Variants in SEL1L3 observed in about 807,000 individuals in gnomAD.
SEL1L3 encodes SEL1L family member 3, also known as protein sel-1 homolog 3.
A neutral mutation model predicts 142.8 loss-of-function variants in SEL1L3; 76 were observed. The ratio of observed to expected loss-of-function variants is 0.53; its 90% confidence interval spans 0.44 to 0.64. The LOEUF is 0.64. SEL1L3 is among the 30% of genes least tolerant of loss of function. The probability of loss-of-function intolerance (pLI) is 0.00; values close to 1 mark genes in which losing one functional copy is unlikely to be tolerated. For synonymous variants in SEL1L3, 504 were observed against 519.6 expected, an observed-to-expected ratio of 0.97 and a Z score of 0.41; for missense variants, 1,262 against 1,381.7, an observed-to-expected ratio of 0.91 and a Z score of 1.37.
chr4:25,805,432 G>A (rs986739430), intron 9 of SEL1L3, among the ~76,000 whole-genome samples: 1 of 152,232 alleles, frequency 6.6e-6, no homozygotes, highest in African/African-American at 2.4e-5. Context: ...GCAAGAGGCA[G>A]AGCCAAGCAG....
intron 20 of SEL1L3, among the ~76,000 whole-genome samples, chr4:25,762,252 T>C (rs1202252538): frequency 1.3e-5 from 2 of 152,186 alleles, no homozygotes; most frequent in African/African-American, 4.8e-5. Context: ...CCCGGCCTCA[T>C]AAAACCATTT....
the SEL1L3 span, chr4:25,719,780 T>C: frequency 6.6e-6 from 1 of 152,156 alleles, no homozygotes; most frequent in East Asian, 1.9e-4. Context: ...ATCTAGGCCA[T>C]ACGTACTGGA....
At chr4:25,778,966 A>G in intron 16 of SEL1L3, 110 bp downstream of exon 16, 2 of 803,252 alleles carry the variant, frequency 2.5e-6, no homozygotes, top group Non-Finnish European at 3.8e-6. Flanking sequence ...TTTTAAAACT[A>G]CATGCATGTA....
chr4:25,814,782 A>AT (rs1221336968), intron 9 of SEL1L3, among the ~76,000 whole-genome samples: 3 of 146,104 alleles, frequency 2.1e-5, no homozygotes, highest in African/African-American at 8.3e-5. Context: ...TTTACCCTCA[A>AT]TTTACAAAAT....
the SEL1L3 span, chr4:25,719,039 G>C: frequency 9.2e-5 from 14 of 152,358 alleles, no homozygotes; most frequent in African/African-American, 3.4e-4. Flanking sequence ...AGCCTAGCGT[G>C]GTGGCACATG....
chr4:25,830,809 C>A (rs1293543135), intron 5 of SEL1L3, among the ~76,000 whole-genome samples: 2 of 152,190 alleles, frequency 1.3e-5, no homozygotes. Context: ...CTATGAAAGA[C>A]AAACTAACCC....
chr4:25,831,522 T>A (rs201414579), intron 5 of SEL1L3, among the ~76,000 whole-genome samples: 12,807 of 138,570 alleles, frequency 0.092, 609 homozygotes, highest in South Asian at 0.15. Flanking sequence ...TTATTATTAT[T>A]ATTATTATTA....
the SEL1L3 span, chr4:25,719,783 G>T: frequency 6.6e-6 from 1 of 152,148 alleles, no homozygotes; most frequent in African/African-American, 2.4e-5. Context: ...TAGGCCATAC[G>T]TACTGGAGAT....
chr4:25,757,565 G>A lies in SEL1L3; in HGVS notation c.3228C>T (p.Ala1076=), dbSNP rs1285214569. The A allele has an allele frequency of 1.9e-6, 3 of 1,551,714 alleles. No individual in the cohort carries two copies. The highest frequency in any genetic ancestry group is 2.4e-5 in the East Asian group (1 of 40,976). The change falls in exon 23 of 24, where the codon GCC becomes GCT. Residue 1076 remains alanine (A), a synonymous_variant. Coordinates refer to ENST00000399878, the MANE Select transcript of SEL1L3 (RefSeq NM_015187.5). ...CAGACTGGAAATACTGCACAGTCCA[G>A]GCGATCAATATGGATAGCAGAAAGG... is the stretch of plus-strand genomic sequence containing the variant. The part of the protein sequence containing the change: ...LGTFLLSILI[A]WTVQYFQSVS...
In SEL1L3 at chr4:25,796,122, A is replaced by C. The variant is rs138542536; in HGVS notation, c.1957-5548T>G. Among the ~76,000 whole-genome samples, 1,212 of 152,304 alleles carry C rather than the reference A, an allele frequency of 8.0e-3. 13 individuals carry two copies. Among genetic ancestry groups the C allele is most frequent in the Admixed American group, 0.013 (205 of 15,308 alleles). ...AGAAGTTTGTATCTTAATACTGCTG[A>C]GCAAGTCACAGGAGGCCCAGTGTCT... On this transcript the variant is annotated intron_variant, in intron 11 of 23. Transcript: ENST00000399878.
rs1409918651 is a variant in SEL1L3, at chr4:25,818,153, T to C, written c.1549A>G (p.Met517Val). 2 of 1,611,650 alleles carry C rather than the reference T, an allele frequency of 1.2e-6. No individual in the cohort carries two copies. The highest frequency in any genetic ancestry group is 1.7e-6 in the Non-Finnish European group (2 of 1,179,000). ...ACTCAATTACCGGTCAGCAGATCCA[T>C]CTCCAGCAATGCCTGGAACAAGCTG... is the stretch of plus-strand genomic sequence containing the variant. ...HPSLFQALLE[M>V]DLLTVPRNQN... The change falls in exon 9 of 24, where the codon ATG becomes GTG. Residue 517 changes from methionine (M) to valine (V), a missense_variant. By Grantham distance (21) the Met-to-Val change is conservative. This residue lies in a region of SEL1L3 where 689 missense variants were observed against 692.8 expected (regional missense o/e 0.99). Transcript: ENST00000399878.
At chr4:25,848,925 G>A (rs963506150) in intron 1 of SEL1L3, among the ~76,000 whole-genome samples, 2 of 152,214 alleles carry the variant, frequency 1.3e-5, no homozygotes, top group Non-Finnish European at 2.9e-5. Flanking sequence ...GATCACTTGA[G>A]GTCAGGAGTT....
chr4:25,839,861 C>A (rs1716063190), intron 2 of SEL1L3, among the ~76,000 whole-genome samples: 1 of 152,176 alleles, frequency 6.6e-6, no homozygotes, highest in South Asian at 2.1e-4. Flanking sequence ...ATAGAAGGAG[C>A]CAGCTACATC....
the SEL1L3 span, among the ~76,000 whole-genome samples, chr4:25,726,778 A>AT: frequency 1.3e-5 from 2 of 151,932 alleles, no homozygotes; most frequent in African/African-American, 4.8e-5. Flanking sequence ...AATAAGTACT[A>AT]TTTTTTCGCC....
chr4:25,799,040 T>C (rs1436791259), intron 11 of SEL1L3, among the ~76,000 whole-genome samples: 2 of 152,104 alleles, frequency 1.3e-5, no homozygotes, highest in African/African-American at 2.4e-5. Context: ...TGCATCCTCA[T>C]GTGGTCATCC....
the SEL1L3 span, among the ~76,000 whole-genome samples, chr4:25,716,925 G>A: frequency 2.6e-5 from 4 of 152,014 alleles, no homozygotes; most frequent in East Asian, 1.9e-4. Context: ...CCAGGAGTTC[G>A]AGACCAGCCT....
chr4:25,802,365 A>G lies in SEL1L3; in HGVS notation c.1874T>C (p.Leu625Pro). 6.2e-7 allele frequency: 1 copy of G among 1,613,856 alleles called. No individual in the cohort carries two copies. Among genetic ancestry groups the G allele is most frequent in the Middle Eastern group, 1.6e-4 (1 of 6,062 alleles). Residue 625 changes from leucine to proline, a missense_variant, in exon 11 of 24, where the codon CTG (leucine) becomes CCG (proline). Physicochemically the swap from Leu to Pro is moderately conservative, Grantham distance 98. Around this residue, in one of 3 missense-constraint regions of SEL1L3, gnomAD observed 435 missense variants for 559.2 expected, o/e 0.78. Transcript: ENST00000399878. ...KHYQGIDNYPLDWELSYAYYS... is the reference protein window; with the variant it reads ...KHYQGIDNYPPDWELSYAYYS... ...GTAGGCATACGACAGTTCCCAGTCCAGGGGGTAGTTGTCAATACCCTGGTA... is the reference window on the plus strand; with the variant it reads ...GTAGGCATACGACAGTTCCCAGTCCGGGGGGTAGTTGTCAATACCCTGGTA...
At chr4:25,838,731 C>T (rs1037900417) in intron 2 of SEL1L3, among the ~76,000 whole-genome samples, 4 of 152,186 alleles carry the variant, frequency 2.6e-5, no homozygotes, top group African/African-American at 9.7e-5. Flanking sequence ...CTAAGGCTAG[C>T]ACCCACTGGA....
chr4:25,759,908 G>GT (rs983776680), intron 20 of SEL1L3: 67 of 152,282 alleles, frequency 4.4e-4, no homozygotes, highest in African/African-American at 1.6e-3. Flanking sequence ...TCAGGATCAT[G>GT]TTTTTTGTGT....
Sources: gnomAD v4.1 joint callset for allele counts (sites outside exome capture counted in the v4.1 genomes callset) on GRCh38, gnomAD v4.1.1 for gene constraint, gnomAD v4.1.1 regional missense constraint, MANE v1.5 for transcripts, NCBI Gene and HGNC (gene_info 2026-07-23, HGNC 2026-07-21) for gene names.